The following DPP6 variants were observed in gnomAD, a reference collection of about 807,000 sequenced individuals.
The protein encoded by DPP6 is A-type potassium channel modulatory protein DPP6.
DPP6 carries 69 observed loss-of-function variants against 122.6 expected under a neutral mutation model. That is an observed-to-expected ratio of 0.56 (90% CI 0.46 to 0.69). The LOEUF (loss-of-function observed/expected upper bound fraction) is 0.69. DPP6 is among the 30% of genes least tolerant of loss of function. The pLI is 0.00. For missense variants in DPP6, 928 were observed against 1,116.9 expected (o/e 0.83, Z 2.41); for synonymous variants, 418 against 433.1 (o/e 0.97, Z 0.43).
intron 17 of DPP6, among the ~76,000 whole-genome samples, chr7:154,861,831 T>C (rs1382815970): frequency 6.6e-6 from 1 of 152,208 alleles, no homozygotes; most frequent in Admixed American, 6.5e-5. Flanking sequence ...TTCCCTCCTT[T>C]TGGTGGTCGC....
At chr7:154,459,515 T>A (rs920896360) in intron 2 of DPP6, among the ~76,000 whole-genome samples, 1 of 152,080 alleles carries the variant, frequency 6.6e-6, no homozygotes, top group African/African-American at 2.4e-5. Flanking sequence ...AAGTAATATG[T>A]ATAAATAGAA....
intron 18 of DPP6, 85 bp from the exon 19 acceptor site, chr7:154,872,539 C>G: frequency 2.6e-6 from 4 of 1,518,556 alleles, no homozygotes; most frequent in Non-Finnish European, 3.5e-6. Context: ...AGAGCACCCT[C>G]ACCCCCACGG....
chr7:153,877,758 C>A, the DPP6 span, among the ~76,000 whole-genome samples: 1 of 152,018 alleles, frequency 6.6e-6, no homozygotes, highest in African/African-American at 2.4e-5. Context: ...AGGTAAACAC[C>A]AGGGAAGATT....
chr7:153,986,858 G>T (rs1269594117), intron 1 of DPP6, among the ~76,000 whole-genome samples: 1 of 151,320 alleles, frequency 6.6e-6, no homozygotes, highest in Admixed American at 6.6e-5. Context: ...TTATCCTGTA[G>T]AGCACGTTGC....
At chr7:153,771,119 G>C in the DPP6 span, among the ~76,000 whole-genome samples, 1 of 152,150 alleles carries the variant, frequency 6.6e-6, no homozygotes, top group Admixed American at 6.5e-5. Flanking sequence ...CCATGGATCT[G>C]AGAAGTTCAA....
chr7:154,846,510 T>C (rs1444675394), intron 16 of DPP6, among the ~76,000 whole-genome samples: 1 of 152,206 alleles, frequency 6.6e-6, no homozygotes, highest in Non-Finnish European at 1.5e-5. Context: ...TTTCACACCA[T>C]TGAGAGTCAG....
At chr7:153,946,614 C>T (rs1801958110) in intron 1 of DPP6, among the ~76,000 whole-genome samples, 1 of 152,202 alleles carries the variant, frequency 6.6e-6, no homozygotes. Context: ...AGCACCTAAC[C>T]TCCTGGGAAT....
Position 154,618,156 on chromosome 7 carries a change from C to T in DPP6, c.628-19665C>T, listed in dbSNP as rs1342666905. The stretch of plus-strand genomic sequence containing the variant: ...AAGTTGCTGCTGGAAGGTTCCAGAG[C>T]TGTATGATCCCGGAATTGTACCCTG... On this transcript the variant is annotated intron_variant, in intron 5 of 25. Coordinates refer to ENST00000377770, the MANE Select transcript of DPP6 (RefSeq NM_130797.4). The surrounding 1 kb of genome is among the most constrained non-coding windows in gnomAD (Gnocchi z 4.1). Among the ~76,000 whole-genome samples, 2 of 152,178 alleles carry T rather than the reference C, an allele frequency of 1.3e-5. No homozygotes were observed. The highest frequency in any genetic ancestry group is 2.9e-5 in the Non-Finnish European group (2 of 68,036).
At chr7:154,036,305 GGC>G (rs1799534456) in intron 1 of DPP6, among the ~76,000 whole-genome samples, 6 of 56,764 alleles carry the variant, frequency 1.1e-4, no homozygotes, top group South Asian at 5.2e-4. Context: ...GGGGGTTGGG[GGC>G]GGGGGGATTC....
intron 5 of DPP6, among the ~76,000 whole-genome samples, chr7:154,586,477 GA>G (rs945734443): frequency 6.6e-6 from 1 of 152,048 alleles, no homozygotes; most frequent in Non-Finnish European, 1.5e-5. Flanking sequence ...GGGCCTGTGG[GA>G]GTCTTTGGCT....
At chr7:154,083,015 A>AT (rs1384314486) in intron 1 of DPP6, among the ~76,000 whole-genome samples, 2 of 151,394 alleles carry the variant, frequency 1.3e-5, no homozygotes, top group African/African-American at 4.9e-5. Flanking sequence ...TGCCCGGCTA[A>AT]TTTTTTGTAT....
At chr7:154,374,768 G>C (rs887084604) in intron 1 of DPP6, among the ~76,000 whole-genome samples, 5 of 151,510 alleles carry the variant, frequency 3.3e-5, no homozygotes, top group African/African-American at 1.2e-4. Context: ...CCTGCCACCA[G>C]GCCCAGCTAA....
intron 4 of DPP6, among the ~76,000 whole-genome samples, chr7:154,561,844 G>C (rs1326217835): frequency 6.6e-6 from 1 of 152,066 alleles, no homozygotes; most frequent in Non-Finnish European, 1.5e-5. Context: ...CAATATAAAT[G>C]AAACAGAAAA....
chr7:154,111,999 G>A (rs1308443983), intron 1 of DPP6, among the ~76,000 whole-genome samples: 3 of 152,114 alleles, frequency 2.0e-5, no homozygotes, highest in Non-Finnish European at 2.9e-5. Flanking sequence ...CTGGGTAACA[G>A]AAGCCATATT....
intron 8 of DPP6, among the ~76,000 whole-genome samples, chr7:154,738,452 G>C (rs1842669207): frequency 6.6e-6 from 1 of 152,170 alleles, no homozygotes; most frequent in Non-Finnish European, 1.5e-5. Flanking sequence ...TGTACCCTGG[G>C]AGTTCTCCAG....
chr7:154,342,490 A>G (rs1334207007), intron 1 of DPP6, among the ~76,000 whole-genome samples: 2 of 152,214 alleles, frequency 1.3e-5, no homozygotes, highest in African/African-American at 2.4e-5. Flanking sequence ...ATCCTCCTTT[A>G]GCTGCTGAGT....
At chr7:154,589,165 C>A (rs759011732) in intron 5 of DPP6, among the ~76,000 whole-genome samples, 1 of 152,206 alleles carries the variant, frequency 6.6e-6, no homozygotes, top group Non-Finnish European at 1.5e-5. Flanking sequence ...TGCCTCCTAA[C>A]GCTGCCCTCC....
Position 154,893,695 on chromosome 7 carries a change from A to G in DPP6, c.*1215A>G, listed in dbSNP as rs1171624117. 2.0e-5 allele frequency: 3 copies of G among 151,926 alleles called. No individual in the cohort carries two copies. The highest frequency in any genetic ancestry group is 7.3e-5 in the African/African-American group (3 of 41,326). The allele number at this position is 151,926 out of a possible 1,614,324, so 9.4% of individuals were successfully genotyped here. A position where few individuals can be genotyped will look rare whatever the true frequency, so the allele number is the denominator to read the frequency against. ...TGTGCAGCCGGTGTTCCCAGTGTAT[A>G]TTTCATTCTCTTGTATATAAAGGAA... On this transcript the variant is annotated 3_prime_UTR_variant, in exon 26 of 26. Coordinates refer to ENST00000377770, the MANE Select transcript of DPP6 (RefSeq NM_130797.4).
At chr7:153,869,229 T>C in the DPP6 span, among the ~76,000 whole-genome samples, 1 of 152,256 alleles carries the variant, frequency 6.6e-6, no homozygotes, top group African/African-American at 2.4e-5. Context: ...GTCTCATTGA[T>C]CTGTCTAATG....
Sources: gnomAD v4.1 joint callset for allele counts (sites outside exome capture counted in the v4.1 genomes callset) on GRCh38, gnomAD v4.1.1 for gene constraint, Gnocchi (gnomAD v3.1) non-coding constraint, MANE v1.5 for transcripts, NCBI Gene and HGNC (gene_info 2026-07-23, HGNC 2026-07-21) for gene names.